Variants in ALPK1 observed in about 807,000 individuals in gnomAD.
ALPK1 encodes the protein alpha-protein kinase 1.
ALPK1 carries 110 observed loss-of-function variants against 120.6 expected under a neutral mutation model. That is an observed-to-expected ratio of 0.91 (90% CI 0.78 to 1.07). The LOEUF (loss-of-function observed/expected upper bound fraction) is 1.07. Among genes scored for constraint, ALPK1 ranks in the 50% least tolerant of loss-of-function variants. ALPK1 has a pLI of 0.00. For synonymous variants in ALPK1, 582 were observed against 560.3 expected (o/e 1.04, Z -0.55); for missense variants, 1,498 against 1,483.9 (o/e 1.01, Z -0.16).
chr4:112,352,995 G>C (rs575466713), intron 2 of ALPK1: 1 of 96,414 alleles, frequency 1.0e-5, no homozygotes, highest in East Asian at 3.4e-4. Flanking sequence ...TTTTGAGATA[G>C]GGTCTCATTC....
At chr4:112,325,512 C>T (rs1426673310) in intron 2 of ALPK1, among the ~76,000 whole-genome samples, 4 of 152,206 alleles carry the variant, frequency 2.6e-5, no homozygotes, top group African/African-American at 9.6e-5. Flanking sequence ...AGGTCATTCA[C>T]ATTCAAAGTC....
intron 5 of ALPK1, among the ~76,000 whole-genome samples, chr4:112,419,687 T>C (rs1733904018): frequency 6.6e-6 from 1 of 152,220 alleles, no homozygotes; most frequent in South Asian, 2.1e-4. Flanking sequence ...GAAAGAAAAT[T>C]GTATCCTGCA....
chr4:112,299,278 A>G (rs1459362672), intron 1 of ALPK1, among the ~76,000 whole-genome samples: 3 of 152,156 alleles, frequency 2.0e-5, no homozygotes, highest in Non-Finnish European at 4.4e-5. Context: ...AGAAGAGATG[A>G]TTATAACTTA....
At chr4:112,319,827 G>T (rs1363330200) in intron 2 of ALPK1, among the ~76,000 whole-genome samples, 1 of 152,130 alleles carries the variant, frequency 6.6e-6, no homozygotes, top group African/African-American at 2.4e-5. Context: ...TTGAGTTCTT[G>T]ATTTGAATCT....
rs368584844 is a variant in ALPK1, at chr4:112,340,248, G to C, written c.-101+24396G>C. ...AGCATTCAATGCTGGATTTCATGTA[G>C]AGCAGAATATGCTAATGAAATGTAA... On this transcript the variant is annotated intron_variant, in intron 2 of 15. Transcript: ENST00000650871. 4.5e-4 allele frequency among the ~76,000 whole-genome samples: 69 copies of C among 152,354 alleles called. 1 individual carries two copies. The South Asian group carries it at 0.012, about 26-fold the overall frequency.
At chr4:112,391,203 C>G (rs1261202683) in intron 4 of ALPK1, among the ~76,000 whole-genome samples, 1 of 152,144 alleles carries the variant, frequency 6.6e-6, no homozygotes, top group Admixed American at 6.5e-5. Context: ...ATGCCAGTCC[C>G]TAGCAGAAGA....
intron 2 of ALPK1, among the ~76,000 whole-genome samples, chr4:112,328,901 G>T (rs780958420): frequency 1.3e-5 from 2 of 152,148 alleles, no homozygotes. Flanking sequence ...ATAAAGCAGG[G>T]TCATTATCCC....
intron 4 of ALPK1, among the ~76,000 whole-genome samples, chr4:112,401,126 C>T (rs1732895291): frequency 6.6e-6 from 1 of 152,170 alleles, no homozygotes; most frequent in South Asian, 2.1e-4. Flanking sequence ...GAAAGTCCTA[C>T]CAGGTGACTC....
At chr4:112,414,487 A>T (rs1463812433) in intron 5 of ALPK1, 1 of 334,164 alleles carries the variant, frequency 3.0e-6, no homozygotes. Context: ...AGCCGCCTGT[A>T]ATCCCAGCTA....
At chr4:112,309,510 A>C (rs921310087) in intron 1 of ALPK1, among the ~76,000 whole-genome samples, 1 of 152,100 alleles carries the variant, frequency 6.6e-6, no homozygotes, top group Non-Finnish European at 1.5e-5. Flanking sequence ...CTGTGCTAGC[A>C]ATGAGCGAGG....
At chr4:112,393,929 AAT>A (rs3079191) in intron 4 of ALPK1, among the ~76,000 whole-genome samples, 1,693 of 149,940 alleles carry the variant, frequency 0.011, 35 homozygotes, top group African/African-American at 0.038. Flanking sequence ...ACATGTGTGA[AAT>A]ATATATATAT....
At chr4:112,424,828 T>C (rs979539495) in intron 6 of ALPK1, among the ~76,000 whole-genome samples, 1 of 152,140 alleles carries the variant, frequency 6.6e-6, no homozygotes. Flanking sequence ...ATAAATATTA[T>C]CTGATGTGAC....
At chr4:112,341,159 T>C (rs970118670) in intron 2 of ALPK1, among the ~76,000 whole-genome samples, 1 of 152,196 alleles carries the variant, frequency 6.6e-6, no homozygotes, top group African/African-American at 2.4e-5. Context: ...GAAGGGTTTG[T>C]CTCTGTAGAC....
At chr4:112,344,090 A>G (rs907397575) in intron 2 of ALPK1, among the ~76,000 whole-genome samples, 1 of 152,192 alleles carries the variant, frequency 6.6e-6, no homozygotes, top group Admixed American at 6.5e-5. Flanking sequence ...CCTGATTTTA[A>G]TACAGCCGAT....
At chr4:112,327,127 T>C (rs542598002) in intron 2 of ALPK1, among the ~76,000 whole-genome samples, 1 of 152,304 alleles carries the variant, frequency 6.6e-6, no homozygotes, top group South Asian at 2.1e-4. Context: ...GTTTGAAATA[T>C]AGAAAAATAA....
Position 112,315,544 on chromosome 4 carries a change from T to A in ALPK1, c.-152-257T>A, listed in dbSNP as rs112804752. ...GAAACCAAAAGAGGTTTGTCCCCAGTCAAGCACTCTGGACAGGATCTGGTC... is the reference window on the plus strand; with the variant it reads ...GAAACCAAAAGAGGTTTGTCCCCAGACAAGCACTCTGGACAGGATCTGGTC... On this transcript the variant is annotated intron_variant, in intron 1 of 15. Transcript: ENST00000650871. 4.5e-3 allele frequency among the ~76,000 whole-genome samples: 685 copies of A among 152,308 alleles called. 4 individuals carry two copies. Among genetic ancestry groups the A allele is most frequent in the African/African-American group, 0.014 (594 of 41,574 alleles).
chr4:112,394,535 G>C (rs903805232), intron 4 of ALPK1, among the ~76,000 whole-genome samples: 87 of 152,142 alleles, frequency 5.7e-4, no homozygotes, highest in African/African-American at 2.1e-3. Flanking sequence ...TGTATTTTCA[G>C]ACTTTAAGGT....
intron 2 of ALPK1, chr4:112,359,194 C>T: frequency 3.3e-6 from 2 of 609,284 alleles, no homozygotes; most frequent in Admixed American, 2.4e-5. Flanking sequence ...CCACCCCCCA[C>T]AGGAGACCCT....
chr4:112,365,830 A>G (rs1234685190), intron 2 of ALPK1, among the ~76,000 whole-genome samples: 1 of 152,214 alleles, frequency 6.6e-6, no homozygotes, highest in East Asian at 1.9e-4. Flanking sequence ...TAGTCACCAA[A>G]ACAGCATGGT....
Sources: allele counts gnomAD v4.1 joint callset (sites outside exome capture counted in the v4.1 genomes callset), GRCh38; gene constraint gnomAD v4.1.1; transcripts MANE v1.5; gene names NCBI Gene and HGNC (gene_info 2026-07-23, HGNC 2026-07-21).